Variants in ANKS3 observed in about 807,000 individuals in gnomAD.
ANKS3 encodes the protein ankyrin repeat and sterile alpha motif domain containing 3, also known as ankyrin repeat and SAM domain-containing protein 3.
A neutral mutation model predicts 80.7 loss-of-function variants in ANKS3; 62 were observed. The ratio of observed to expected loss-of-function variants is 0.77; its 90% CI spans 0.63 to 0.95. The LOEUF (loss-of-function observed/expected upper bound fraction) is 0.95. ANKS3 is among the 40% of genes least tolerant of loss of function. The pLI is 0.00. For synonymous variants in ANKS3, 489 were observed against 355.3 expected, an observed-to-expected ratio of 1.38 and a Z score of -4.23; for missense variants, 1,150 against 883.6, an observed-to-expected ratio of 1.30 and a Z score of -3.82.
chr16:4,702,186 C>A lies in ANKS3; in HGVS notation c.925G>T (p.Glu309Ter). ...TFNSSGENPLEEEGLCCRDVT... is the reference protein window; with the variant it reads ...TFNSSGENPL ...TCCCGGCAGCAGAGGCCCTCTTCTT[C>A]CAGGGGGTTCTCGCCACTGCTGTTG... The change falls in exon 9 of 18, where the codon GAA (glutamate) becomes TAA (stop). Residue 309 changes from glutamate (E) to a stop codon, truncating the protein, a stop_gained. Transcript: ENST00000304283. LOFTEE classifies it high-confidence loss of function. The A allele has an allele frequency of 6.3e-7, 1 of 1,594,548 alleles. No homozygotes were observed. The highest frequency in any genetic ancestry group is 1.1e-5 in the South Asian group (1 of 89,274).
chr16:4,730,508 G>A (rs921504649), intron 2 of ANKS3, among the ~76,000 whole-genome samples: 4 of 152,132 alleles, frequency 2.6e-5, no homozygotes, highest in Non-Finnish European at 5.9e-5. Flanking sequence ...AATGCTAATT[G>A]GGTTGTTTAA....
At chr16:4,698,762 T>C in intron 13 of ANKS3, 38 bp downstream of exon 13, 1 of 1,569,054 alleles carries the variant, frequency 6.4e-7, no homozygotes, top group South Asian at 1.2e-5. Flanking sequence ...AACTCACGGG[T>C]GTCACCCTGC....
chr16:4,716,336 G>T (rs1300274622), intron 6 of ANKS3, among the ~76,000 whole-genome samples: 4 of 146,544 alleles, frequency 2.7e-5, no homozygotes, highest in African/African-American at 1.0e-4. Context: ...ACTCCAGCCT[G>T]GGCGACACAC....
At chr16:4,731,961 G>A (rs1596469228) in intron 1 of ANKS3, among the ~76,000 whole-genome samples, 1 of 152,334 alleles carries the variant, frequency 6.6e-6, no homozygotes. Context: ...CAAAGGCCTT[G>A]TCAGGTTGTG....
rs772418443 is a variant in ANKS3 at position 4,726,640 on chromosome 16, C to A, written c.491+19G>T. 42 of 1,611,890 alleles carry A rather than the reference C, an allele frequency of 2.6e-5. No homozygotes were observed. In the Admixed American group the frequency reaches 6.3e-4, roughly 24 times the overall value. ...GACACCTAGGCCACTCCTGTGGCCA[C>A]TAAAGATGTGGCAATCACCTCACGT... is the stretch of plus-strand genomic sequence containing the variant. On this transcript the variant is annotated intron_variant, in intron 5 of 17. Transcript: ENST00000304283.
chr16:4,727,682 G>A (rs1459114018), intron 3 of ANKS3: 1 of 164,572 alleles, frequency 6.1e-6, no homozygotes, highest in East Asian at 1.7e-4. Context: ...GGGTGGAGAG[G>A]AGCAGTGAGG....
intron 6 of ANKS3, among the ~76,000 whole-genome samples, chr16:4,719,591 C>A (rs1451925306): frequency 6.6e-6 from 1 of 151,160 alleles, no homozygotes; most frequent in Non-Finnish European, 1.5e-5. Flanking sequence ...TTGCTTGAGG[C>A]CAGGAGTTCA....
At chr16:4,722,554 C>T (rs1403693519) in intron 6 of ANKS3, among the ~76,000 whole-genome samples, 2 of 127,318 alleles carry the variant, frequency 1.6e-5, no homozygotes, top group Admixed American at 1.7e-4. Context: ...CCAGCCTGGG[C>T]GACTGAGTGA....
intron 7 of ANKS3, among the ~76,000 whole-genome samples, chr16:4,706,060 A>C (rs2142053652): frequency 6.6e-6 from 1 of 151,846 alleles, no homozygotes; most frequent in African/African-American, 2.4e-5. Context: ...CACCATACCC[A>C]GCTAATTTTT....
intron 7 of ANKS3, 98 bp downstream of exon 7, chr16:4,713,953 G>T: frequency 6.7e-7 from 1 of 1,496,578 alleles, no homozygotes; most frequent in South Asian, 1.3e-5. Flanking sequence ...CAGAGAAGGT[G>T]GGAGCCGGGG....
At position 4,724,238 on chromosome 16, in the gene ANKS3, T is replaced by C. The variant is rs78167918; in HGVS notation, c.573+512A>G. 1.4e-4 allele frequency among the ~76,000 whole-genome samples: 22 copies of C among 152,328 alleles called. No individual in the cohort carries two copies. The East Asian group carries it at 4.2e-3, about 29-fold the overall frequency. On this transcript the variant is annotated intron_variant, in intron 6 of 17. Transcript: ENST00000304283. ...TAACTGAGGCAGATTGTACACGGAA[T>C]ACTGTACAAAGATAAGATGTCTATA...
chr16:4,702,728 G>A (rs2079986053), intron 8 of ANKS3, among the ~76,000 whole-genome samples: 1 of 152,042 alleles, frequency 6.6e-6, no homozygotes, highest in Non-Finnish European at 1.5e-5. Context: ...AAGGCCTTGA[G>A]GTAAAAATTA....
intron 7 of ANKS3, 174 bp downstream of exon 7, chr16:4,713,877 A>G (rs2080630876): frequency 1.1e-6 from 1 of 879,170 alleles, no homozygotes; most frequent in Non-Finnish European, 1.7e-6. Context: ...AACCATCCTT[A>G]TCTCCTGTTA....
intron 4 of ANKS3, 59 bp from the exon 5 acceptor site, chr16:4,726,839 C>T (rs2081379062): frequency 1.9e-5 from 30 of 1,599,076 alleles, no homozygotes; most frequent in Non-Finnish European, 2.6e-5. Context: ...GGGCGGGCGC[C>T]CTCCAGGCGG....
intron 10 of ANKS3, 73 bp from the exon 11 acceptor site, chr16:4,701,207 A>G: frequency 6.3e-7 from 1 of 1,599,004 alleles, no homozygotes; most frequent in East Asian, 2.2e-5. Context: ...CCCACCCGCC[A>G]CACAGGGGCT....
At chr16:4,712,086 C>A (rs573443035) in intron 7 of ANKS3, among the ~76,000 whole-genome samples, 1 of 152,054 alleles carries the variant, frequency 6.6e-6, no homozygotes, top group Non-Finnish European at 1.5e-5. Flanking sequence ...AAAGTATAGA[C>A]CACGCCGGGA....
chr16:4,724,433 C>A (rs550654078), intron 6 of ANKS3, among the ~76,000 whole-genome samples: 10 of 152,316 alleles, frequency 6.6e-5, no homozygotes, highest in African/African-American at 2.4e-4. Flanking sequence ...AGAGGAGGAT[C>A]TCTGCCTTCT....
chr16:4,715,541 A>T lies in ANKS3; in HGVS notation c.574-1355T>A, dbSNP rs188153795. Reference sequence around the variant, plus strand: ...AGTCCCAGAGCTTGACGCTGCAGCGAGCTGAGATCGCACCACTGTACTCCA... The same window carrying T: ...AGTCCCAGAGCTTGACGCTGCAGCGTGCTGAGATCGCACCACTGTACTCCA... On this transcript the variant is annotated intron_variant, in intron 6 of 17. Transcript: ENST00000304283. Among the ~76,000 whole-genome samples the T allele has an allele frequency of 3.1e-4, 47 of 152,322 alleles. No individual in the cohort carries two copies. In the East Asian group the frequency reaches 8.9e-3, roughly 29 times the overall value.
At chr16:4,703,288 A>T (rs961495797) in intron 8 of ANKS3, among the ~76,000 whole-genome samples, 3 of 151,990 alleles carry the variant, frequency 2.0e-5, no homozygotes, top group Admixed American at 6.6e-5. Flanking sequence ...AATTTTCAAA[A>T]TTTTTTGTAG....
Sources: gnomAD v4.1 joint callset for allele counts (sites outside exome capture counted in the v4.1 genomes callset) on GRCh38, gnomAD v4.1.1 for gene constraint, MANE v1.5 for transcripts, NCBI Gene and HGNC (gene_info 2026-07-23, HGNC 2026-07-21) for gene names.